CCDC146: variants seen among roughly 807,000 people sequenced by gnomAD.
CCDC146 encodes coiled-coil domain containing 146.
CCDC146 carries 92 observed loss-of-function variants against 119.3 expected under a neutral mutation model. The ratio of observed to expected loss-of-function variants is 0.77; its 90% CI spans 0.65 to 0.92. The LOEUF (loss-of-function observed/expected upper bound fraction) is 0.92, where lower values mean the gene tolerates loss of function less well. Ranked by LOEUF, CCDC146 falls within the 40% of genes least tolerant of loss-of-function variation. CCDC146 has a pLI of 0.00. For missense variants in CCDC146, 1,000 were observed against 1,103.0 expected (o/e 0.91, Z 1.32); for synonymous variants, 372 against 371.8 (o/e 1.00, Z -0.01).
chr7:77,259,996 G>A lies in CCDC146; in HGVS notation c.759-13G>A, dbSNP rs200964368. The A allele has an allele frequency of 2.8e-3, 2,689 of 960,310 alleles. 39 individuals carry two copies. In the African/African-American group the frequency reaches 0.039, roughly 14 times the overall value. 59.5% of individuals were successfully genotyped at this position (960,310 alleles called of 1,614,324 possible). ...TGTGTGTGTGTGTGTGTGTGTGTGT[G>A]TATCCCCTACAGAGAAATGGAAAAG... On this transcript the variant is annotated splice_polypyrimidine_tract_variant and intron_variant, in intron 7 of 18. Transcript: ENST00000285871.
chr7:77,284,995 A>C (rs1293524879), intron 15 of CCDC146, among the ~76,000 whole-genome samples: 1 of 150,386 alleles, frequency 6.6e-6, no homozygotes, highest in Non-Finnish European at 1.5e-5. Flanking sequence ...TTTTTTTTTT[A>C]AGTCTTCTCC....
At chr7:77,179,909 T>C (rs1791556779) in intron 2 of CCDC146, among the ~76,000 whole-genome samples, 1 of 152,218 alleles carries the variant, frequency 6.6e-6, no homozygotes, top group African/African-American at 2.4e-5. Context: ...ACTTTAGATA[T>C]ACCTCCTGTA....
intron 9 of CCDC146, 38 bp downstream of exon 9, chr7:77,262,345 G>T: frequency 6.8e-7 from 1 of 1,462,182 alleles, no homozygotes; most frequent in South Asian, 1.4e-5. Flanking sequence ...TTTAAGCTCG[G>T]TGCTAACTTT....
In CCDC146 at chr7:77,286,734, A is replaced by G; in HGVS notation, c.2149-64A>G. The G allele has an allele frequency of 1.9e-6, 3 of 1,549,082 alleles. No homozygotes were observed. In the Admixed American group the frequency reaches 5.3e-5, roughly 27 times the overall value. ...TAAAAAACTCTCAAGACCCTAGGCA[A>G]TGTGATTTTCAGATTAACTGAGCTA... On this transcript the variant is annotated intron_variant, in intron 15 of 18. Coordinates refer to ENST00000285871, the MANE Select transcript of CCDC146 (RefSeq NM_020879.3).
In CCDC146 at chr7:77,241,779, G is replaced by A. The variant is rs752141627; in HGVS notation, c.328G>A (p.Asp110Asn). Residue 110 changes from aspartate (D) to asparagine (N), a missense_variant, in exon 4 of 19, where the codon GAT becomes AAT. Coordinates refer to ENST00000285871, the MANE Select transcript of CCDC146 (RefSeq NM_020879.3). ...GCAGCAGTTTCACCTGCAGCAAGCT[G>A]ATAATTTTCCAGAAGCATTCTCCAC... ...QQQQFHLQQA[D>N]NFPEAFSTEV... 2 of 1,614,102 alleles carry A rather than the reference G, an allele frequency of 1.2e-6. No homozygotes were observed. The highest frequency in any genetic ancestry group is 1.7e-6 in the Non-Finnish European group (2 of 1,180,030).
chr7:77,131,525 T>C (rs1394806198), intron 1 of CCDC146, among the ~76,000 whole-genome samples: 2 of 152,036 alleles, frequency 1.3e-5, no homozygotes, highest in East Asian at 1.9e-4. Context: ...TGAGACCAGC[T>C]TGGCCAACGT....
intron 1 of CCDC146, among the ~76,000 whole-genome samples, chr7:77,138,400 A>C (rs970744696): frequency 1.3e-5 from 2 of 151,846 alleles, no homozygotes; most frequent in African/African-American, 2.4e-5. Flanking sequence ...ATGGATTTTG[A>C]CCTAAATGTA....
At position 77,275,784 on chromosome 7, in the gene CCDC146, G is replaced by A. The variant is rs1793623309; in HGVS notation, c.1440+1132G>A. On this transcript the variant is annotated intron_variant, in intron 11 of 18. Transcript: ENST00000285871. ...AATCAACAATAAAACAAATGGTAAG[G>A]CAGCACTCCTGTCATGCAAGCTAAA... 1.3e-5 allele frequency among the ~76,000 whole-genome samples: 2 copies of A among 152,110 alleles called. 1 individual carries two copies. Among genetic ancestry groups the A allele is most frequent in the South Asian group, 4.1e-4 (2 of 4,822 alleles).
intron 2 of CCDC146, among the ~76,000 whole-genome samples, chr7:77,178,034 A>G (rs1044641521): frequency 2.6e-5 from 4 of 152,362 alleles, no homozygotes; most frequent in Middle Eastern, 3.4e-3. Context: ...ACCTAAATCC[A>G]TTTACAAAGA....
chr7:77,134,820 G>A (rs1404772335), intron 1 of CCDC146, among the ~76,000 whole-genome samples: 5 of 152,154 alleles, frequency 3.3e-5, no homozygotes, highest in African/African-American at 1.2e-4. Flanking sequence ...AGCTAGCTGA[G>A]ACCCTGAACT....
intron 1 of CCDC146, among the ~76,000 whole-genome samples, chr7:77,160,174 T>C (rs1394083948): frequency 3.3e-5 from 5 of 152,202 alleles, no homozygotes; most frequent in Non-Finnish European, 7.4e-5. Context: ...TACTGTAGCC[T>C]TGTAGTATAG....
At chr7:77,285,249 C>G (rs148534594) in intron 15 of CCDC146, among the ~76,000 whole-genome samples, 2 of 151,976 alleles carry the variant, frequency 1.3e-5, no homozygotes, top group East Asian at 3.9e-4. Flanking sequence ...TTGAGACATC[C>G]CTTTATAAGC....
At chr7:77,218,886 T>C (rs1232361905) in intron 2 of CCDC146, among the ~76,000 whole-genome samples, 1 of 152,066 alleles carries the variant, frequency 6.6e-6, no homozygotes, top group Non-Finnish European at 1.5e-5. Context: ...TTTTTGAGTG[T>C]TGCCAATGAA....
chr7:77,262,519 T>C (rs1382885520), intron 9 of CCDC146, among the ~76,000 whole-genome samples: 1 of 152,206 alleles, frequency 6.6e-6, no homozygotes, highest in Non-Finnish European at 1.5e-5. Context: ...TAGAGAAATG[T>C]CTTGTTTGGA....
At position 77,247,873 on chromosome 7, in the gene CCDC146, A is replaced by C. The variant is rs1217070996; in HGVS notation, c.449+5973A>C. Among the ~76,000 whole-genome samples, 9 of 152,238 alleles carry C rather than the reference A, an allele frequency of 5.9e-5. No homozygotes were observed. In the East Asian group the frequency reaches 1.7e-3, roughly 29 times the overall value. ...TGGTACAAGCTCTATGGAAAACAGC[A>C]TGGATATTTCTCAAAGAACTAAAAA... On this transcript the variant is annotated intron_variant, in intron 4 of 18. Coordinates refer to ENST00000285871, the MANE Select transcript of CCDC146 (RefSeq NM_020879.3).
intron 2 of CCDC146, among the ~76,000 whole-genome samples, chr7:77,222,521 AAG>A (rs1438567327): frequency 6.6e-6 from 1 of 152,120 alleles, no homozygotes; most frequent in East Asian, 1.9e-4. Flanking sequence ...CAGCACATAA[AAG>A]GGGGCCTGAA....
chr7:77,134,119 G>T (rs375269311), intron 1 of CCDC146, among the ~76,000 whole-genome samples: 1 of 151,850 alleles, frequency 6.6e-6, no homozygotes, highest in African/African-American at 2.4e-5. Flanking sequence ...TTTGGTTGTG[G>T]ATGCAGAACT....
intron 2 of CCDC146, among the ~76,000 whole-genome samples, chr7:77,172,838 T>C (rs909053339): frequency 3.3e-5 from 5 of 152,168 alleles, no homozygotes; most frequent in African/African-American, 1.2e-4. Context: ...CTAAAAAACC[T>C]AACAAAATGC....
At chr7:77,170,861 A>C (rs1228648956) in intron 2 of CCDC146, among the ~76,000 whole-genome samples, 1 of 152,212 alleles carries the variant, frequency 6.6e-6, no homozygotes, top group Non-Finnish European at 1.5e-5. Flanking sequence ...CAAAACCACA[A>C]TGAGATATTA....
Sources: allele counts gnomAD v4.1 joint callset (sites outside exome capture counted in the v4.1 genomes callset), GRCh38; gene constraint gnomAD v4.1.1; transcripts MANE v1.5; gene names NCBI Gene and HGNC (gene_info 2026-07-23, HGNC 2026-07-21).